POFUT1: variants seen among roughly 807,000 people sequenced by gnomAD.
POFUT1 encodes the protein GDP-fucose protein O-fucosyltransferase 1.
A neutral mutation model predicts 42.4 loss-of-function variants in POFUT1; 16 were observed. That is an observed-to-expected ratio of 0.38 (90% confidence interval 0.26 to 0.57). The LOEUF is 0.57. Among genes scored for constraint, POFUT1 ranks in the 20% least tolerant of loss-of-function variants. The pLI is 0.71. For missense variants in POFUT1, 470 were observed against 504.6 expected (o/e 0.93, Z 0.66); for synonymous variants, 206 against 205.4 (o/e 1.00, Z -0.03).
At chr20:32,211,327 G>T (rs532092626) in intron 2 of POFUT1, among the ~76,000 whole-genome samples, 3 of 150,576 alleles carry the variant, frequency 2.0e-5, no homozygotes, top group East Asian at 3.9e-4. Context: ...AGGCTGGAGT[G>T]CAGTGGCACG....
intron 6 of POFUT1, chr20:32,231,421 T>G (rs2047443201): frequency 3.3e-5 from 10 of 301,268 alleles, no homozygotes; most frequent in Non-Finnish European, 4.6e-5. Context: ...ACTGTTAACA[T>G]TCCTTGATGT....
intron 2 of POFUT1, among the ~76,000 whole-genome samples, chr20:32,211,487 G>A (rs1480769108): frequency 3.3e-5 from 5 of 152,232 alleles, no homozygotes; most frequent in Admixed American, 2.6e-4. Context: ...GGCCAGGATG[G>A]TGTCAATCTC....
chr20:32,219,267 G>A (rs1353900923), intron 4 of POFUT1, among the ~76,000 whole-genome samples: 1 of 152,180 alleles, frequency 6.6e-6, no homozygotes, highest in Non-Finnish European at 1.5e-5. Flanking sequence ...TAAACAGGTG[G>A]TATGTGATTG....
At chr20:32,217,075 A>G (rs2047365822) in intron 4 of POFUT1, 1 of 1,613,416 alleles carries the variant, frequency 6.2e-7, no homozygotes, top group Non-Finnish European at 8.5e-7. Context: ...TCTAGAGAAC[A>G]GCTTCAGGTG....
intron 4 of POFUT1, among the ~76,000 whole-genome samples, chr20:32,218,847 G>A (rs557130040): frequency 2.0e-5 from 3 of 152,358 alleles, no homozygotes; most frequent in Non-Finnish European, 4.4e-5. Context: ...TGCATGGGGA[G>A]TGTTGTTGAA....
At chr20:32,223,080 A>G (rs1480945926) in intron 4 of POFUT1, 2 of 985,308 alleles carry the variant, frequency 2.0e-6, no homozygotes, top group African/African-American at 3.5e-5. Context: ...GGACACATAA[A>G]TGGATGCTGT....
At chr20:32,211,544 A>T (rs574864849) in intron 2 of POFUT1, among the ~76,000 whole-genome samples, 1 of 152,302 alleles carries the variant, frequency 6.6e-6, no homozygotes, top group East Asian at 1.9e-4. Context: ...TGCTGGGATT[A>T]TAGGCATAAG....
intron 2 of POFUT1, 61 bp downstream of exon 2, chr20:32,210,253 C>T (rs920666706): frequency 1.9e-6 from 3 of 1,586,642 alleles, no homozygotes; most frequent in Non-Finnish European, 1.7e-6. Context: ...CTTACTTACA[C>T]TTAACCCTCA....
At position 32,231,077 on chromosome 20, in the gene POFUT1, G is replaced by C; in HGVS notation, c.978+16G>C. The C allele has an allele frequency of 6.2e-7, 1 of 1,613,926 alleles. No individual in the cohort carries two copies. Among genetic ancestry groups the C allele is most frequent in the South Asian group, 1.1e-5 (1 of 91,018 alleles). ...CAAAGGGAAGGTATGTGTGGGCCAA[G>C]TGGGAGTGCAGTAGGAAGGGAATGA... On this transcript the variant is annotated intron_variant, in intron 6 of 6. Transcript: ENST00000375749.
chr20:32,223,425 C>T lies in POFUT1; in HGVS notation c.543-4838C>T, dbSNP rs1398291698. The T allele has an allele frequency of 9.1e-6, 9 of 985,256 alleles. No individual in the cohort carries two copies. In the Admixed American group the frequency reaches 3.7e-4, roughly 40 times the overall value. 61.0% of individuals were successfully genotyped at this position (985,256 alleles called of 1,614,324 possible). On this transcript the variant is annotated intron_variant, in intron 4 of 6. Transcript: ENST00000375749. ...GGACAGCTCTTTGCTGGTCCAGATC[C>T]AGGTAGAGGGGACACACATTCCAAG...
chr20:32,230,525 T>C (rs747418428), intron 5 of POFUT1, among the ~76,000 whole-genome samples: 19 of 150,926 alleles, frequency 1.3e-4, no homozygotes, highest in Admixed American at 1.3e-4. Flanking sequence ...CAAAACTCCA[T>C]CTCTACTAAA....
intron 2 of POFUT1, among the ~76,000 whole-genome samples, chr20:32,214,449 A>G (rs572835555): frequency 6.6e-6 from 1 of 152,268 alleles, no homozygotes; most frequent in East Asian, 1.9e-4. Flanking sequence ...AAATTCTATT[A>G]GATACTCACC....
At chr20:32,214,808 A>T (rs1268706187) in intron 2 of POFUT1, among the ~76,000 whole-genome samples, 1 of 152,184 alleles carries the variant, frequency 6.6e-6, no homozygotes, top group Non-Finnish European at 1.5e-5. Context: ...CTCTCCTGCT[A>T]GCCTGTCTAT....
rs56036811 is a variant in POFUT1, at chr20:32,222,168, T to G, written c.542+5447T>G. Among the ~76,000 whole-genome samples the G allele has an allele frequency of 9.7e-3, 1,480 of 152,272 alleles. 27 individuals carry two copies. The highest frequency in any genetic ancestry group is 0.034 in the African/African-American group (1,408 of 41,530). ...CCAAAAAAAATTTAGCCGTGCATGG[T>G]GGCACACACCTGTAATCCAAGCTAC... On this transcript the variant is annotated intron_variant, in intron 4 of 6. Transcript: ENST00000375749.
intron 5 of POFUT1, among the ~76,000 whole-genome samples, chr20:32,229,385 A>G (rs1036911129): frequency 6.6e-6 from 1 of 152,246 alleles, no homozygotes; most frequent in African/African-American, 2.4e-5. Context: ...TATCGCAAGA[A>G]TGTAATCAAA....
intron 5 of POFUT1, among the ~76,000 whole-genome samples, chr20:32,230,171 AG>A (rs1333681951): frequency 1.3e-5 from 2 of 151,220 alleles, no homozygotes; most frequent in African/African-American, 4.9e-5. Context: ...GCGGATCACG[AG>A]GTCAGGAGAT....
chr20:32,209,620 A>G (rs187925657), intron 1 of POFUT1, among the ~76,000 whole-genome samples: 1 of 152,352 alleles, frequency 6.6e-6, no homozygotes, highest in East Asian at 1.9e-4. Flanking sequence ...GAAGTGAGCA[A>G]AGATACTTGA....
In POFUT1 at chr20:32,231,114, A is replaced by G. The variant is rs530132437; in HGVS notation, c.978+53A>G. On this transcript the variant is annotated intron_variant, in intron 6 of 6. Transcript: ENST00000375749. ...TAGGAAGGGAATGAAAGGAGGAGCC[A>G]GGATGGTCCCACTGCCCACTGCATG... The G allele has an allele frequency of 1.1e-4, 169 of 1,601,774 alleles. No homozygotes were observed. In the East Asian group the frequency reaches 2.0e-3, roughly 19 times the overall value.
chr20:32,219,620 C>T (rs1043524579), intron 4 of POFUT1, among the ~76,000 whole-genome samples: 6 of 151,922 alleles, frequency 3.9e-5, no homozygotes, highest in Admixed American at 3.9e-4. Flanking sequence ...CCTCAGCCTC[C>T]CAAGTAGCTG....
Sources: allele counts gnomAD v4.1 joint callset (sites outside exome capture counted in the v4.1 genomes callset), GRCh38; gene constraint gnomAD v4.1.1; transcripts MANE v1.5; gene names NCBI Gene and HGNC (gene_info 2026-07-23, HGNC 2026-07-21).